Variants in HAUS7 observed in about 807,000 individuals in gnomAD.
HAUS7 encodes HAUS augmin like complex subunit 7, also known as HAUS augmin-like complex subunit 7.
HAUS7 carries 3 observed loss-of-function variants against 28.4 expected under a neutral mutation model. The ratio of observed to expected loss-of-function variants is 0.11; its 90% CI spans 0.05 to 0.27. HAUS7 has a LOEUF of 0.27. HAUS7 is among the 10% of genes least tolerant of loss of function. The pLI, the probability that HAUS7 is intolerant of heterozygous loss-of-function variation, is 1.00. For missense variants in HAUS7, 284 were observed against 297.3 expected (o/e 0.96, Z 0.33); for synonymous variants, 165 against 132.1 (o/e 1.25, Z -1.71).
At chrX:153,485,843 C>G (rs1021908232) in intron 1 of HAUS7, 2 of 905,354 alleles carry the variant, frequency 2.2e-6, no homozygotes, top group Admixed American at 4.6e-5. Flanking sequence ...GGGCCTGAGG[C>G]GCCTGACGCT....
At chrX:153,480,475 G>A (rs920292397) in intron 1 of HAUS7, 244 of 496,112 alleles carry the variant, frequency 4.9e-4, no homozygotes, top group Non-Finnish European at 5.7e-4. Flanking sequence ...AAGGCGGGGC[G>A]GGGGGAGGCC....
intron 1 of HAUS7, among the ~76,000 whole-genome samples, chrX:153,477,772 G>A (rs1426069637): frequency 5.3e-5 from 6 of 112,415 alleles, no homozygotes; most frequent in Admixed American, 9.3e-5. Flanking sequence ...TGGTCTGTAC[G>A]TGGCAGGGTC....
At chrX:153,492,982 G>T (rs1158272800) in intron 1 of HAUS7, among the ~76,000 whole-genome samples, 1 of 112,041 alleles carries the variant, frequency 8.9e-6, no homozygotes, top group African/African-American at 3.2e-5. Context: ...CGGGCAGCAG[G>T]CATGCCTTGA....
intron 2 of HAUS7, among the ~76,000 whole-genome samples, chrX:153,468,454 G>A (rs1431712006): frequency 8.9e-6 from 1 of 112,647 alleles, no homozygotes; most frequent in African/African-American, 3.2e-5. Context: ...TCACAGCTGT[G>A]AGGCAGTGAG....
chrX:153,481,765 C>G (rs1308047963), intron 1 of HAUS7: 1 of 729,164 alleles, frequency 1.4e-6, no homozygotes, highest in Non-Finnish European at 1.6e-6. Context: ...TACAGAGTGG[C>G]AGCGGGCAGG....
At chrX:153,483,262 TG>T in intron 1 of HAUS7, 1 of 743,687 alleles carries the variant, frequency 1.3e-6, no homozygotes, top group Non-Finnish European at 1.6e-6. Context: ...GGCCAACAAC[TG>T]GCAGGTGGGC....
chrX:153,451,600 C>A (rs1298035984), intron 9 of HAUS7, among the ~76,000 whole-genome samples: 1 of 111,979 alleles, frequency 8.9e-6, no homozygotes, highest in Non-Finnish European at 1.9e-5. Flanking sequence ...AGGCTATGGA[C>A]CTGAAACCAC....
intron 4 of HAUS7, among the ~76,000 whole-genome samples, chrX:153,458,544 A>G (rs781802421): frequency 8.9e-6 from 1 of 112,235 alleles, no homozygotes; most frequent in East Asian, 2.8e-4. Flanking sequence ...TAAGAATAAC[A>G]CTTCTATGGA....
At chrX:153,495,249 G>A (rs1257734589) in intron 1 of HAUS7, 2 of 111,721 alleles carry the variant, frequency 1.8e-5, no homozygotes, top group East Asian at 5.7e-4. Context: ...GCTCTCTGTA[G>A]GCTGCTGATC....
intron 9 of HAUS7, among the ~76,000 whole-genome samples, chrX:153,452,370 A>G (rs2089250654): frequency 8.9e-6 from 1 of 112,341 alleles, no homozygotes; most frequent in Non-Finnish European, 1.9e-5. Context: ...AAATATAAAA[A>G]TGTGTACCAA....
At chrX:153,468,738 T>C (rs1385375769) in intron 2 of HAUS7, among the ~76,000 whole-genome samples, 1 of 112,221 alleles carries the variant, frequency 8.9e-6, no homozygotes, top group Non-Finnish European at 1.9e-5. Context: ...TGGCCCTGCC[T>C]GTCACTCCTC....
intron 1 of HAUS7, chrX:153,481,561 G>A: frequency 1.3e-6 from 1 of 756,339 alleles, no homozygotes; most frequent in Non-Finnish European, 1.6e-6. Context: ...GTGCCTCCTG[G>A]CCCAGGCAGT....
At chrX:153,465,352 G>A (rs1169243215) in intron 2 of HAUS7, among the ~76,000 whole-genome samples, 3 of 107,084 alleles carry the variant, frequency 2.8e-5, no homozygotes, top group Admixed American at 2.0e-4. Context: ...CTGCAGCAGA[G>A]GCAGAGAGGG....
rs782789759 is a variant in HAUS7, at chrX:153,480,606, G to A, written c.-588-9461C>T. 4.6e-5 allele frequency: 35 copies of A among 753,807 alleles called. No individual in the cohort carries two copies. The South Asian group carries it at 1.4e-3, about 29-fold the overall frequency. 62.1% of individuals were successfully genotyped at this position (753,807 alleles called of 1,213,427 possible). A position where few individuals can be genotyped will look rare whatever the true frequency, so the allele number is the denominator to read the frequency against. ...TCAGCTGCAGCCCATCCCTGGCATC[G>A]GCCACCCAGACAAGCCTGAGGCTGG... On this transcript the variant is annotated intron_variant, in intron 1 of 5. Transcript: ENST00000370210.
chrX:153,483,475 T>C (rs2089614429), intron 1 of HAUS7: 1 of 753,658 alleles, frequency 1.3e-6, no homozygotes, highest in African/African-American at 2.3e-5. Flanking sequence ...TTCGCCCCAA[T>C]GGGCATTCGG....
At chrX:153,473,283 A>T (rs1331717939), upstream of HAUS7, among the ~76,000 whole-genome samples, 1 of 112,983 alleles carries the variant, frequency 8.9e-6, no homozygotes, top group Admixed American at 9.2e-5. Context: ...GCTGAAGTCC[A>T]AGGGCTTTCC....
intron 1 of HAUS7, chrX:153,480,995 G>GC (rs2089596099): frequency 9.3e-6 from 7 of 753,892 alleles, no homozygotes; most frequent in Non-Finnish European, 1.1e-5. Flanking sequence ...AACCCAGGAG[G>GC]CCCCCCAAAG....
Position 153,485,074 on chromosome X carries a change from G to A in HAUS7, c.-589+10300C>T, listed in dbSNP as rs1418313657. 2.7e-5 allele frequency among the ~76,000 whole-genome samples: 3 copies of A among 112,701 alleles called. No individual in the cohort carries two copies. The South Asian group carries it at 1.1e-3, about 42-fold the overall frequency. On this transcript the variant is annotated intron_variant, in intron 1 of 5. Transcript: ENST00000370210. ...GGGACCAGGGCTTCCTGCTGCTGGG[G>A]TCAGGGCCTCAAGGAGTCAGGTGTC... is the stretch of plus-strand genomic sequence containing the variant.
At chrX:153,465,107 CT>C in intron 2 of HAUS7, 52 bp from the exon 3 acceptor site, 8 of 860,905 alleles carry the variant, frequency 9.3e-6, no homozygotes, top group South Asian at 2.1e-5. Flanking sequence ...GAGAATCCCC[CT>C]GGGCCCTCTA....
Sources: gnomAD v4.1 joint callset for allele counts (sites outside exome capture counted in the v4.1 genomes callset) on GRCh38, gnomAD v4.1.1 for gene constraint, MANE v1.5 for transcripts, NCBI Gene and HGNC (gene_info 2026-07-23, HGNC 2026-07-21) for gene names.